MUC7: variants seen among roughly 807,000 people sequenced by gnomAD.
MUC7 encodes mucin 7, secreted.
In MUC7, 2 loss-of-function variants were observed where a neutral mutation model predicts 2.5. That is an observed-to-expected ratio of 0.81 (90% CI 0.33 to 2.55). MUC7 has a LOEUF of 2.55. Ranked by LOEUF, MUC7 falls within the 30% of genes most tolerant of loss-of-function variation. The pLI, the probability that MUC7 is intolerant of heterozygous loss-of-function variation, is 0.11. For missense variants in MUC7, 408 were observed against 455.6 expected (o/e 0.90, Z 0.95); for synonymous variants, 133 against 173.4 (o/e 0.77, Z 1.83).
At chr4:70,476,656 C>G (rs1735012808) in intron 2 of MUC7, among the ~76,000 whole-genome samples, 1 of 151,928 alleles carries the variant, frequency 6.6e-6, no homozygotes, top group South Asian at 2.1e-4. Context: ...GCGTGGTGGC[C>G]CACACCTGTA....
upstream of MUC7, among the ~76,000 whole-genome samples, chr4:70,467,463 A>G (rs915950969): frequency 6.6e-6 from 1 of 152,196 alleles, no homozygotes; most frequent in African/African-American, 2.4e-5. Context: ...AAATCAATAA[A>G]TCCAGGAGTT....
At chr4:70,477,056 G>C (rs1735026075) in intron 2 of MUC7, among the ~76,000 whole-genome samples, 1 of 152,146 alleles carries the variant, frequency 6.6e-6, no homozygotes, top group Non-Finnish European at 1.5e-5. Context: ...ATTTTCAAAT[G>C]GTCATAAAAA....
chr4:70,480,717 G>T (rs563082486), intron 2 of MUC7, 82 bp from the exon 3 acceptor site: 1 of 1,396,758 alleles, frequency 7.2e-7, no homozygotes. Context: ...CACAAATACC[G>T]CTCATCTCAT....
chr4:70,480,808 G>T lies in MUC7; in HGVS notation c.64G>T (p.Gly22Cys), dbSNP rs1461030624. 1 of 1,612,374 alleles carries T rather than the reference G, an allele frequency of 6.2e-7. No individual in the cohort carries two copies. The highest frequency in any genetic ancestry group is 1.7e-5 in the Admixed American group (1 of 59,930). The change falls in exon 3 of 3, where the codon GGT (glycine) becomes TGT (cysteine). Residue 22 changes from glycine to cysteine, a missense_variant. By Grantham distance (159) the Gly-to-Cys change is radical. Coordinates refer to ENST00000304887, the MANE Select transcript of MUC7 (RefSeq NM_152291.3). ...ALSACFSFSE[G>C]RERDHELRHR... Reference sequence around the variant, plus strand: ...TCTTTCTTTTCTGCAGTTCAGTGAAGGTCGAGAAAGGGATCATGAACTACG... The same window carrying T: ...TCTTTCTTTTCTGCAGTTCAGTGAATGTCGAGAAAGGGATCATGAACTACG...
At chr4:70,444,730 A>G (rs1030928323) in intron 1 of MUC7, among the ~76,000 whole-genome samples, 1 of 152,122 alleles carries the variant, frequency 6.6e-6, no homozygotes, top group African/African-American at 2.4e-5. Flanking sequence ...TACTTATTCT[A>G]CTACTATCAG....
In MUC7 at chr4:70,481,396, C is replaced by A; in HGVS notation, c.652C>A (p.Pro218Thr). 6.2e-7 allele frequency: 1 copy of A among 1,611,148 alleles called. No homozygotes were observed. Among genetic ancestry groups the A allele is most frequent in the East Asian group, 2.2e-5 (1 of 44,748 alleles). ...AGAGACCACAGCTGCCCCACCCACA[C>A]CTCCTGCAACTACACCAGCTCCACC... ...PPETTAAPPT[P>T]PATTPAPPSS... The change falls in exon 3 of 3, where the codon CCT becomes ACT. Residue 218 changes from proline to threonine, a missense_variant. Physicochemically the swap from Pro to Thr is conservative, Grantham distance 38 (BLOSUM62 -1). Transcript: ENST00000304887.
At chr4:70,443,204 A>G (rs1170159424) in intron 1 of MUC7, among the ~76,000 whole-genome samples, 1 of 151,904 alleles carries the variant, frequency 6.6e-6, no homozygotes, top group East Asian at 1.9e-4. Context: ...TCTCAAATCA[A>G]AATTAAGCCA....
chr4:70,452,935 T>C (rs1268653245), intron 1 of MUC7, among the ~76,000 whole-genome samples: 1 of 152,236 alleles, frequency 6.6e-6, no homozygotes, highest in Non-Finnish European at 1.5e-5. Context: ...TCCTCTTTCA[T>C]GTCTGAAGGA....
chr4:70,437,378 T>C (rs1733872461), intron 1 of MUC7, among the ~76,000 whole-genome samples: 1 of 152,174 alleles, frequency 6.6e-6, no homozygotes, highest in African/African-American at 2.4e-5. Context: ...CTTCCCTGCC[T>C]CTTTGTTTAC....
intron 1 of MUC7, among the ~76,000 whole-genome samples, chr4:70,435,343 C>A (rs901868613): frequency 6.6e-6 from 1 of 152,218 alleles, no homozygotes; most frequent in South Asian, 2.1e-4. Context: ...GTCTAAGTTT[C>A]TTTGTAGGTC....
At chr4:70,480,473 G>A (rs1735132060) in intron 2 of MUC7, among the ~76,000 whole-genome samples, 1 of 152,326 alleles carries the variant, frequency 6.6e-6, no homozygotes, top group East Asian at 1.9e-4. Context: ...ACCTCAGGCA[G>A]TAACTTGACC....
intron 1 of MUC7, among the ~76,000 whole-genome samples, chr4:70,458,435 C>T (rs2172005): frequency 1.0e-3 from 152 of 152,132 alleles, no homozygotes; most frequent in African/African-American, 3.4e-3. Flanking sequence ...ACTTATTATG[C>T]TTTGTATATA....
At chr4:70,470,408 A>T (rs891604613), upstream of MUC7, among the ~76,000 whole-genome samples, 29 of 152,328 alleles carry the variant, frequency 1.9e-4, no homozygotes, top group African/African-American at 7.0e-4. Flanking sequence ...ATAATTTTTA[A>T]AAAATTAAAA....
intron 1 of MUC7, among the ~76,000 whole-genome samples, chr4:70,459,823 G>T (rs1246317734): frequency 1.3e-5 from 2 of 152,136 alleles, no homozygotes; most frequent in Non-Finnish European, 2.9e-5. Context: ...TATCAAAGAT[G>T]AATGCCCCAC....
Position 70,435,770 on chromosome 4 carries a change from T to C in MUC7, c.-93+5083T>C, listed in dbSNP as rs1733815277. Among the ~76,000 whole-genome samples the C allele has an allele frequency of 2.0e-5, 3 of 152,246 alleles. No individual in the cohort carries two copies. The South Asian group carries it at 6.2e-4, about 32-fold the overall frequency. On this transcript the variant is annotated intron_variant, in intron 1 of 3. Transcript: ENST00000413702. The stretch of plus-strand genomic sequence containing the variant: ...TGATGCTAGCTGGTTATTTCACACA[T>C]TAATTGATGCAGTTTCTTCCTAGCA...
At chr4:70,469,813 C>A (rs377735537), upstream of MUC7, among the ~76,000 whole-genome samples, 10 of 152,244 alleles carry the variant, frequency 6.6e-5, no homozygotes, top group Admixed American at 3.3e-4. Context: ...GTTTCTGGGA[C>A]TGTAAATTAG....
rs141318917 is a variant in MUC7, at chr4:70,481,342, C to G, written c.598C>G (p.Gln200Glu). 163 of 1,611,352 alleles carry G rather than the reference C, an allele frequency of 1.0e-4. No homozygotes were observed. Among genetic ancestry groups the G allele is most frequent in the Non-Finnish European group, 7.6e-5 (89 of 1,178,668 alleles). ...CCCACCCACACCTTCTGCAACTACA[C>G]AAGCTCCACCATCTTCCTCAGCTCC... ...AAPPTPSATT[Q>E]APPSSSAPPE... The change falls in exon 3 of 3, where the codon CAA becomes GAA. Residue 200 changes from glutamine (Q) to glutamate (E), a missense_variant. Around this residue, in one of 3 missense-constraint regions of MUC7, gnomAD observed 225 missense variants for 240.5 expected, o/e 0.94. Coordinates refer to ENST00000304887, the MANE Select transcript of MUC7 (RefSeq NM_152291.3).
chr4:70,458,509 A>G (rs1284924754), intron 1 of MUC7, among the ~76,000 whole-genome samples: 1 of 152,116 alleles, frequency 6.6e-6, no homozygotes, highest in Non-Finnish European at 1.5e-5. Context: ...TCTGATCTCT[A>G]ACATTAGAAT....
intron 1 of MUC7, among the ~76,000 whole-genome samples, chr4:70,439,467 G>C (rs909314395): frequency 2.0e-5 from 3 of 152,108 alleles, no homozygotes; most frequent in African/African-American, 7.2e-5. Context: ...TAGGCTATAG[G>C]GGATCAAAAT....
Sources: gnomAD v4.1 joint callset for allele counts (sites outside exome capture counted in the v4.1 genomes callset) on GRCh38, gnomAD v4.1.1 for gene constraint, gnomAD v4.1.1 regional missense constraint, MANE v1.5 for transcripts, NCBI Gene and HGNC (gene_info 2026-07-23, HGNC 2026-07-21) for gene names.